The following GAS7 variants were observed in gnomAD, a reference collection of about 807,000 sequenced individuals.
GAS7 encodes growth arrest-specific protein 7.
GAS7 carries 28 observed loss-of-function variants against 71.1 expected under a neutral mutation model. That is an observed-to-expected ratio of 0.39 (90% CI 0.29 to 0.54). The LOEUF is 0.54. Among genes scored for constraint, GAS7 ranks in the 20% least tolerant of loss-of-function variants. The pLI, the probability that GAS7 is intolerant of heterozygous loss-of-function variation, is 0.62. For missense variants in GAS7, 436 were observed against 627.8 expected (o/e 0.69, Z 3.27); for synonymous variants, 258 against 245.8 (o/e 1.05, Z -0.46).
At chr17:9,984,871 G>C (rs1353335704) in intron 2 of GAS7, among the ~76,000 whole-genome samples, 1 of 152,192 alleles carries the variant, frequency 6.6e-6, no homozygotes, top group Non-Finnish European at 1.5e-5. Flanking sequence ...ATCCCCAGGA[G>C]CAGATGCACC....
In GAS7 at chr17:10,032,377, G is replaced by A. The variant is rs551986029; in HGVS notation, c.184-12480C>T. On this transcript the variant is annotated intron_variant, in intron 1 of 13. Transcript: ENST00000432992. ...CTTTCCTCCTCCCCCTTCCCTAGCA[G>A]AATAAAAATAGTGTGGGCCATTCTG... Among the ~76,000 whole-genome samples, 5 of 152,208 alleles carry A rather than the reference G, an allele frequency of 3.3e-5. No homozygotes were observed. In the South Asian group the frequency reaches 1.0e-3, roughly 32 times the overall value.
At position 9,915,915 on chromosome 17, in the gene GAS7, A is replaced by G. The variant is rs975682116; in HGVS notation, c.*1313T>C. 5 of 232,678 alleles carry G rather than the reference A, an allele frequency of 2.1e-5. No individual in the cohort carries two copies. The highest frequency in any genetic ancestry group is 4.2e-5 in the Non-Finnish European group (5 of 117,670). The allele number at this position is 232,678 out of a possible 1,614,324, so 14.4% of individuals were successfully genotyped here. A position where few individuals can be genotyped will look rare whatever the true frequency, so the allele number is the denominator to read the frequency against. ...TGAGCTGGGCCAAACAGCAGCACTG[A>G]AAGCTTCCCAAGTCACACTCAGACC... is the stretch of plus-strand genomic sequence containing the variant. On this transcript the variant is annotated 3_prime_UTR_variant, in exon 14 of 14. Transcript: ENST00000432992.
At chr17:9,987,242 C>A (rs570646049) in intron 2 of GAS7, among the ~76,000 whole-genome samples, 10 of 152,154 alleles carry the variant, frequency 6.6e-5, no homozygotes, top group African/African-American at 2.4e-4. Flanking sequence ...AGGAACAGTG[C>A]GGTCAGAGTG....
chr17:10,103,050 T>G lies in GAS7; in HGVS notation c.184-83153A>C, dbSNP rs540519313. 6.6e-6 allele frequency among the ~76,000 whole-genome samples: 1 copy of G among 152,084 alleles called. No homozygotes were observed. The highest frequency in any genetic ancestry group is 2.1e-4 in the South Asian group (1 of 4,824). ...CTAGAAGCTTGTTAGAAATGCAGAATCTGCATTTTAACAAACCCTGACCGG... is the reference window on the plus strand; with the variant it reads ...CTAGAAGCTTGTTAGAAATGCAGAAGCTGCATTTTAACAAACCCTGACCGG... On this transcript the variant is annotated intron_variant, in intron 1 of 13. Transcript: ENST00000432992. This position sits in a 1 kb window ranked among gnomAD's most constrained non-coding sequence, Gnocchi z 5.5.
intron 1 of GAS7, among the ~76,000 whole-genome samples, chr17:10,172,657 T>C (rs577032347): frequency 6.6e-6 from 1 of 152,364 alleles, no homozygotes; most frequent in African/African-American, 2.4e-5. Context: ...CTTGCGCCTC[T>C]TACAACATTC....
At chr17:10,155,016 CTCTT>C (rs1463701147) in intron 1 of GAS7, among the ~76,000 whole-genome samples, 1 of 148,266 alleles carries the variant, frequency 6.7e-6, no homozygotes, top group East Asian at 2.0e-4. Context: ...AAACCAATAA[CTCTT>C]TTTTTTTTTT....
At chr17:10,092,503 A>G (rs1327231654) in intron 1 of GAS7, among the ~76,000 whole-genome samples, 2 of 152,216 alleles carry the variant, frequency 1.3e-5, no homozygotes, top group African/African-American at 4.8e-5. Flanking sequence ...ATGTTCCCTA[A>G]GGTTCAAAGT....
chr17:10,175,812 T>G (rs1192506075), intron 1 of GAS7, among the ~76,000 whole-genome samples: 1 of 152,214 alleles, frequency 6.6e-6, no homozygotes, highest in Non-Finnish European at 1.5e-5. Context: ...GCATTTTAAC[T>G]TACCTCTTTA....
At chr17:10,147,003 T>C (rs1274217452) in intron 1 of GAS7, among the ~76,000 whole-genome samples, 1 of 151,822 alleles carries the variant, frequency 6.6e-6, no homozygotes, top group African/African-American at 2.4e-5. Context: ...ACAATAAAAA[T>C]TCCTTCATTT....
At chr17:10,081,741 C>A (rs1381192328) in intron 1 of GAS7, among the ~76,000 whole-genome samples, 2 of 152,044 alleles carry the variant, frequency 1.3e-5, no homozygotes, top group Admixed American at 6.6e-5. Flanking sequence ...TATTTCACAC[C>A]CTCGGATGGC....
At chr17:10,181,753 T>C (rs62064586) in intron 1 of GAS7, among the ~76,000 whole-genome samples, 36,895 of 151,884 alleles carry the variant, frequency 0.24, 4,732 homozygotes, top group Middle Eastern at 0.3. Context: ...GGATATGAGA[T>C]AGGAATTTGG....
chr17:10,043,681 G>A (rs1251896079), intron 1 of GAS7, among the ~76,000 whole-genome samples: 1 of 152,224 alleles, frequency 6.6e-6, no homozygotes, highest in Non-Finnish European at 1.5e-5. Context: ...TTGGGAGGCT[G>A]AAGTGGGAGG....
rs368260612 is a variant in GAS7, at chr17:9,926,609, C to A, written c.1014+32G>T. The A allele has an allele frequency of 3.9e-5, 62 of 1,609,280 alleles. No individual in the cohort carries two copies. In the African/African-American group the frequency reaches 6.8e-4, roughly 18 times the overall value. On this transcript the variant is annotated intron_variant, in intron 10 of 13. Transcript: ENST00000432992. The surrounding 1 kb of genome is among the most constrained non-coding windows in gnomAD (Gnocchi z 5.0). ...CTTCTTCCAGGCAGTCCCCCATGCA[C>A]CTGCCCTGGCCCAGCGTCCTGGGCC...
chr17:10,037,768 A>C (rs1252936368), intron 1 of GAS7, among the ~76,000 whole-genome samples: 1 of 152,072 alleles, frequency 6.6e-6, no homozygotes, highest in East Asian at 1.9e-4. Flanking sequence ...TAAACATTTC[A>C]CCTAGTGGAC....
At chr17:10,135,338 T>G (rs958648753) in intron 1 of GAS7, among the ~76,000 whole-genome samples, 1 of 152,150 alleles carries the variant, frequency 6.6e-6, no homozygotes, top group Non-Finnish European at 1.5e-5. Flanking sequence ...TTTTAGCTAG[T>G]CTTCAATTTG....
intron 1 of GAS7, among the ~76,000 whole-genome samples, chr17:10,090,682 C>T (rs2073573217): frequency 6.6e-6 from 1 of 152,178 alleles, no homozygotes; most frequent in Non-Finnish European, 1.5e-5. Context: ...AATGCCAGTG[C>T]ATTTCACAAA....
intron 1 of GAS7, among the ~76,000 whole-genome samples, chr17:10,040,418 C>T (rs1387096908): frequency 1.3e-5 from 2 of 152,042 alleles, no homozygotes; most frequent in African/African-American, 2.4e-5. Context: ...TAAGAAATTT[C>T]GATTCTATAA....
chr17:10,173,723 G>A (rs536524650), intron 1 of GAS7, among the ~76,000 whole-genome samples: 8 of 151,284 alleles, frequency 5.3e-5, no homozygotes, highest in South Asian at 2.1e-4. Context: ...AGCCGAGATC[G>A]TGCCACTGCA....
Position 9,922,193 on chromosome 17 carries a change from T to C in GAS7, c.1139-2488A>G, listed in dbSNP as rs1334917193. ...ATATTAATATGGGCTATGGTGGTGA[T>C]GAAGATGATGATGATGATGATGATG... is the stretch of plus-strand genomic sequence containing the variant. On this transcript the variant is annotated intron_variant, in intron 11 of 13. Transcript: ENST00000432992. 6.8e-5 allele frequency among the ~76,000 whole-genome samples: 6 copies of C among 88,404 alleles called. No homozygotes were observed. In the East Asian group the frequency reaches 1.3e-3, roughly 19 times the overall value. 58.0% of individuals were successfully genotyped at this position (88,404 alleles called of 152,430 possible). A position where few individuals can be genotyped will look rare whatever the true frequency, so the allele number is the denominator to read the frequency against.
Sources: allele counts gnomAD v4.1 joint callset (sites outside exome capture counted in the v4.1 genomes callset), GRCh38; gene constraint gnomAD v4.1.1; non-coding constraint Gnocchi (gnomAD v3.1); transcripts MANE v1.5; gene names NCBI Gene and HGNC (gene_info 2026-07-23, HGNC 2026-07-21).